The following NOC3L variants were observed in gnomAD, a reference collection of about 807,000 sequenced individuals.
NOC3L encodes the protein NOC3 like DNA replication regulator, also known as nucleolar complex protein 3 homolog.
NOC3L carries 85 observed loss-of-function variants against 102.5 expected under a neutral mutation model. The ratio of observed to expected loss-of-function variants is 0.83; its 90% CI spans 0.70 to 0.99. The LOEUF is 0.99. NOC3L is among the 50% of genes least tolerant of loss of function. The pLI is 0.00. For missense variants in NOC3L, 878 were observed against 914.9 expected, an observed-to-expected ratio of 0.96 and a Z score of 0.52; for synonymous variants, 303 against 309.4, an observed-to-expected ratio of 0.98 and a Z score of 0.22.
intron 13 of NOC3L, among the ~76,000 whole-genome samples, chr10:94,343,972 A>T (rs2054314358): frequency 6.6e-6 from 1 of 152,212 alleles, no homozygotes; most frequent in Non-Finnish European, 1.5e-5. Flanking sequence ...TCTAGCTCAC[A>T]TCCTGACAAG....
rs11313498 is a variant in NOC3L at position 94,347,112 on chromosome 10, AG to A, written c.1258-557del. Among the ~76,000 whole-genome samples, 841 of 152,304 alleles carry A rather than the reference AG, an allele frequency of 5.5e-3. 8 individuals are homozygous for A. The highest frequency in any genetic ancestry group is 0.019 in the African/African-American group (798 of 41,568). ...CGCATACTCAAACACTAAGAACAAA[AG>A]GGGTTTAAAATGCTACACTTTCTCT... On this transcript the variant is annotated intron_variant, in intron 10 of 20. Coordinates refer to ENST00000371361, the MANE Select transcript of NOC3L (RefSeq NM_022451.11).
At chr10:94,328,985 T>C (rs2054125132), downstream of NOC3L, 1 of 152,244 alleles carries the variant, frequency 6.6e-6, no homozygotes, top group Admixed American at 6.5e-5. Flanking sequence ...TAAATTTATT[T>C]TGCAAGGTTT....
the NOC3L span, chr10:94,322,095 C>G: frequency 1.9e-6 from 3 of 1,597,138 alleles, no homozygotes; most frequent in Non-Finnish European, 2.6e-6. Context: ...GAGTCCTTTC[C>G]TCAGCATAAA....
At chr10:94,332,493 A>AT (rs1365204580), downstream of NOC3L, 1 of 135,926 alleles carries the variant, frequency 7.4e-6, no homozygotes, top group African/African-American at 2.9e-5. Flanking sequence ...TAGCCTCAGG[A>AT]TATGTGTGTG....
chr10:94,321,979 GTGCA>G, the NOC3L span: 1 of 1,613,944 alleles, frequency 6.2e-7, no homozygotes, highest in Non-Finnish European at 8.5e-7. Flanking sequence ...CTTTGTCCAA[GTGCA>G]TGATGTTTCT....
chr10:94,348,928 A>G (rs2054380342), intron 10 of NOC3L, among the ~76,000 whole-genome samples: 1 of 146,670 alleles, frequency 6.8e-6, no homozygotes, highest in South Asian at 2.2e-4. Context: ...GGTAGGCATT[A>G]GAAAGAATGG....
At chr10:94,352,102 G>C (rs1320099758) in intron 8 of NOC3L, among the ~76,000 whole-genome samples, 3 of 152,028 alleles carry the variant, frequency 2.0e-5, no homozygotes, top group Non-Finnish European at 4.4e-5. Context: ...TTTTTAGACA[G>C]GAAAACTGAG....
intron 16 of NOC3L, 108 bp downstream of exon 16, chr10:94,340,168 A>C: frequency 1.0e-6 from 1 of 961,598 alleles, no homozygotes; most frequent in South Asian, 1.7e-5. Context: ...CTGGAAAGTC[A>C]CCATTTTATG....
intron 10 of NOC3L, among the ~76,000 whole-genome samples, chr10:94,347,464 G>A (rs1435103669): frequency 6.6e-6 from 1 of 152,090 alleles, no homozygotes; most frequent in Non-Finnish European, 1.5e-5. Context: ...AAGTTAAAGG[G>A]TTTTCCTATG....
the NOC3L span, chr10:94,315,376 C>G: frequency 2.2e-6 from 1 of 455,894 alleles, no homozygotes; most frequent in Non-Finnish European, 4.4e-6. Flanking sequence ...TCTCTCATCA[C>G]CAAGCTACTT....
At chr10:94,326,075 T>G in the NOC3L span, among the ~76,000 whole-genome samples, 7 of 152,166 alleles carry the variant, frequency 4.6e-5, no homozygotes, top group Non-Finnish European at 7.3e-5. Flanking sequence ...CAGTGGTAAG[T>G]CTCTCCTTTT....
At position 94,354,996 on chromosome 10, in the gene NOC3L, C is replaced by G; in HGVS notation, c.663G>C (p.Leu221Phe). 6.2e-7 allele frequency: 1 copy of G among 1,613,194 alleles called. No homozygotes were observed. Among genetic ancestry groups the G allele is most frequent in the Non-Finnish European group, 8.5e-7 (1 of 1,179,694 alleles). Reference sequence around the variant, plus strand: ...CTGGATCTGATAATATGGCAGATGCCAAGGCTGCAATATGCATCTTCTTCT... The same window carrying G: ...CTGGATCTGATAATATGGCAGATGCGAAGGCTGCAATATGCATCTTCTTCT... ...LQEKKMHIAA[L>F]ASAILSDPEN... Residue 221 changes from leucine (L) to phenylalanine (F), a missense_variant, in exon 6 of 21, where the codon TTG becomes TTC. Transcript: ENST00000371361.
the NOC3L span, among the ~76,000 whole-genome samples, chr10:94,327,054 C>G: frequency 6.6e-6 from 1 of 152,002 alleles, no homozygotes; most frequent in Non-Finnish European, 1.5e-5. Context: ...CCCAGCTACT[C>G]GGGAGGCTGA....
chr10:94,336,229 T>C (rs910015500), intron 19 of NOC3L, among the ~76,000 whole-genome samples: 1 of 152,134 alleles, frequency 6.6e-6, no homozygotes, highest in African/African-American at 2.4e-5. Flanking sequence ...GTTCCTCCCC[T>C]CCAGAAGATG....
intron 8 of NOC3L, among the ~76,000 whole-genome samples, chr10:94,351,989 T>C (rs1244317138): frequency 1.3e-5 from 2 of 152,196 alleles, no homozygotes; most frequent in East Asian, 1.9e-4. Context: ...TGATAAAATA[T>C]AGTGTATAGT....
Position 94,344,846 on chromosome 10 carries a change from T to C in NOC3L, c.1470+7A>G. On this transcript the variant is annotated splice_region_variant and intron_variant, in intron 12 of 20. Transcript: ENST00000371361. ...TTAAAAGCATAACAGAATATGAAAC[T>C]GCCTACCAGTTTAAGTTTTTTCTCA... 1 of 1,584,780 alleles carries C rather than the reference T, an allele frequency of 6.3e-7. No individual in the cohort carries two copies. Among genetic ancestry groups the C allele is most frequent in the Non-Finnish European group, 8.6e-7 (1 of 1,167,558 alleles).
the NOC3L span, chr10:94,325,072 C>T: frequency 4.3e-6 from 7 of 1,613,830 alleles, no homozygotes; most frequent in East Asian, 4.5e-5. Context: ...AATGGATTAC[C>T]GACAGTGACT....
the NOC3L span, chr10:94,324,834 T>C: frequency 6.6e-7 from 1 of 1,522,832 alleles, no homozygotes; most frequent in Non-Finnish European, 9.1e-7. Flanking sequence ...AATAGTGTCA[T>C]GTGACAGAGG....
downstream of NOC3L, chr10:94,332,904 T>C (rs1240975805): frequency 1.3e-5 from 2 of 152,226 alleles, no homozygotes; most frequent in African/African-American, 2.4e-5. Flanking sequence ...CTTTGTTTTA[T>C]ACCTAAAAGG....
Sources: gnomAD v4.1 joint callset for allele counts (sites outside exome capture counted in the v4.1 genomes callset) on GRCh38, gnomAD v4.1.1 for gene constraint, MANE v1.5 for transcripts, NCBI Gene and HGNC (gene_info 2026-07-23, HGNC 2026-07-21) for gene names.